Variants in EYS observed in about 807,000 individuals in gnomAD.
EYS encodes the protein EGF-like photoreceptor maintenance factor, also known as protein eyes shut homolog.
A neutral mutation model predicts 282.1 loss-of-function variants in EYS; 250 were observed. The ratio of observed to expected loss-of-function variants is 0.89; its 90% CI spans 0.80 to 0.98. The LOEUF is 0.98. Ranked by LOEUF, EYS falls within the 50% of genes least tolerant of loss-of-function variation. The pLI, the probability that EYS is intolerant of heterozygous loss-of-function variation, is 0.00. For missense variants in EYS, 4,016 were observed against 3,709.0 expected (o/e 1.08, Z -2.15); for synonymous variants, 1,355 against 1,282.9 (o/e 1.06, Z -1.20).
chr6:64,188,087 C>T lies in EYS; in HGVS notation c.6424+42505G>A, dbSNP rs117075318. ...TAGATGGAACAATCATTTAAGTAGT[C>T]CAAATTTGTTTTCTCTTATTTTACT... On this transcript the variant is annotated intron_variant, in intron 31 of 42. Transcript: ENST00000503581. 5.3e-5 allele frequency among the ~76,000 whole-genome samples: 8 copies of T among 152,092 alleles called. 1 individual carries two copies. The East Asian group carries it at 1.5e-3, about 29-fold the overall frequency.
At chr6:64,612,867 A>G (rs1415132161) in intron 24 of EYS, among the ~76,000 whole-genome samples, 1 of 152,028 alleles carries the variant, frequency 6.6e-6, no homozygotes, top group Non-Finnish European at 1.5e-5. Flanking sequence ...TAGCTTAAAT[A>G]AAAGGAATCT....
chr6:65,103,454 C>A (rs1475386204), intron 12 of EYS, among the ~76,000 whole-genome samples: 4 of 151,214 alleles, frequency 2.6e-5, no homozygotes, highest in African/African-American at 9.7e-5. Flanking sequence ...TTTCACTGAC[C>A]TTTTCATTCA....
intron 5 of EYS, among the ~76,000 whole-genome samples, chr6:65,468,779 T>G (rs1765101397): frequency 1.3e-5 from 2 of 152,068 alleles, no homozygotes; most frequent in Admixed American, 1.3e-4. Flanking sequence ...GTTCTGGTGA[T>G]TGTTACATTT....
At chr6:64,265,418 A>C (rs1767723802) in intron 30 of EYS, among the ~76,000 whole-genome samples, 2 of 152,124 alleles carry the variant, frequency 1.3e-5, no homozygotes, top group African/African-American at 4.8e-5. Context: ...AGCTGTATGA[A>C]ATGTCTTAGC....
intron 18 of EYS, 34 bp from the exon 19 acceptor site, chr6:64,886,876 G>A (rs1562243170): frequency 7.7e-7 from 1 of 1,297,536 alleles, no homozygotes; most frequent in Non-Finnish European, 1.1e-6. Flanking sequence ...GAATAGCCAT[G>A]TAACAATGAT....
At chr6:65,277,148 C>A (rs1027604841) in intron 12 of EYS, among the ~76,000 whole-genome samples, 8 of 151,926 alleles carry the variant, frequency 5.3e-5, no homozygotes, top group African/African-American at 1.9e-4. Flanking sequence ...CAAAAGGGAC[C>A]CCAGGGCTGG....
intron 5 of EYS, among the ~76,000 whole-genome samples, chr6:65,473,498 T>C (rs769492131): frequency 7.2e-5 from 11 of 151,976 alleles, no homozygotes; most frequent in African/African-American, 2.2e-4. Flanking sequence ...CCACCAACTG[T>C]GGTCAGTAAC....
intron 2 of EYS, among the ~76,000 whole-genome samples, chr6:65,566,371 G>T (rs1164084507): frequency 9.9e-5 from 15 of 151,922 alleles, no homozygotes; most frequent in Non-Finnish European, 1.8e-4. Context: ...ACAAGGGGAA[G>T]GATGAGGGGA....
chr6:65,510,235 T>C (rs1766817647), intron 2 of EYS, among the ~76,000 whole-genome samples: 1 of 137,772 alleles, frequency 7.3e-6, no homozygotes, highest in African/African-American at 2.7e-5. Context: ...TGTGTTCTCA[T>C]TGTTCAATTC....
intron 36 of EYS, among the ~76,000 whole-genome samples, chr6:63,813,349 A>G (rs951650054): frequency 1.6e-4 from 24 of 152,236 alleles, no homozygotes; most frequent in African/African-American, 5.5e-4. Context: ...TCTTATAAAC[A>G]TTAGTTTCCA....
chr6:65,022,746 TATTTA>T (rs1338462962), intron 13 of EYS, among the ~76,000 whole-genome samples: 1 of 150,752 alleles, frequency 6.6e-6, no homozygotes, highest in Non-Finnish European at 1.5e-5. Context: ...TTTATTTTTC[TATTTA>T]ATTTAAAAGG....
In EYS at chr6:65,691,194, G is replaced by A. The variant is rs191510304; in HGVS notation, c.-448+15941C>T. Among the ~76,000 whole-genome samples, 181 of 149,984 alleles carry A rather than the reference G, an allele frequency of 1.2e-3. 2 individuals carry two copies. The highest frequency in any genetic ancestry group is 4.0e-3 in the African/African-American group (165 of 41,198). On this transcript the variant is annotated intron_variant, in intron 1 of 42. Coordinates refer to ENST00000503581, the MANE Select transcript of EYS (RefSeq NM_001142800.2). ...AATGGTTGAACTAATTTACACTGCC[G>A]CCAACAGTGTAAAAGTGTTCCTATT... is the stretch of plus-strand genomic sequence containing the variant.
chr6:65,508,856 A>T (rs369048457), intron 2 of EYS, among the ~76,000 whole-genome samples: 1 of 152,050 alleles, frequency 6.6e-6, no homozygotes, highest in East Asian at 1.9e-4. Context: ...TTTAAAAAGG[A>T]TAACTCTTCC....
At chr6:64,670,170 C>T (rs1415778377) in intron 22 of EYS, among the ~76,000 whole-genome samples, 5 of 152,046 alleles carry the variant, frequency 3.3e-5, no homozygotes, top group African/African-American at 9.7e-5. Flanking sequence ...AAACTCCCTC[C>T]TGTCATGAAG....
intron 28 of EYS, among the ~76,000 whole-genome samples, chr6:64,432,550 T>C (rs1284118321): frequency 1.3e-5 from 2 of 150,694 alleles, no homozygotes; most frequent in African/African-American, 4.9e-5. Flanking sequence ...TATAATGTAA[T>C]ATATATTATA....
chr6:64,261,174 G>A (rs111298120), intron 30 of EYS, among the ~76,000 whole-genome samples: 2,161 of 151,406 alleles, frequency 0.014, 56 homozygotes, highest in African/African-American at 0.049. Flanking sequence ...TTCCCGGCCC[G>A]CCCCGACCAA....
chr6:63,763,870 TTA>T (rs55668347), intron 40 of EYS, among the ~76,000 whole-genome samples: 28,357 of 129,322 alleles, frequency 0.22, 2,761 homozygotes, highest in Middle Eastern at 0.28. Flanking sequence ...TTATATCTTG[TTA>T]TATATATATA....
intron 32 of EYS, among the ~76,000 whole-genome samples, chr6:64,079,973 G>C (rs994384457): frequency 6.6e-6 from 1 of 152,114 alleles, no homozygotes; most frequent in Non-Finnish European, 1.5e-5. Flanking sequence ...TATCATTGTT[G>C]GACATTTGGG....
At chr6:65,222,464 T>C (rs1369217570) in intron 12 of EYS, among the ~76,000 whole-genome samples, 1 of 152,186 alleles carries the variant, frequency 6.6e-6, no homozygotes. Context: ...TTTTCCTTCA[T>C]CTTCTGCCAT....
Sources: allele counts gnomAD v4.1 joint callset (sites outside exome capture counted in the v4.1 genomes callset), GRCh38; gene constraint gnomAD v4.1.1; transcripts MANE v1.5; gene names NCBI Gene and HGNC (gene_info 2026-07-23, HGNC 2026-07-21).